The following HIVEP3 variants were observed in gnomAD, a reference collection of about 807,000 sequenced individuals.
HIVEP3 encodes the protein HIVEP zinc finger 3, also known as transcription factor HIVEP3.
Under a neutral mutation model 152.8 loss-of-function variants are expected in HIVEP3, and 49 were observed. The observed-to-expected ratio is 0.32, with a 90% CI of 0.26 to 0.41. The LOEUF (loss-of-function observed/expected upper bound fraction) is 0.41, where lower values mean the gene tolerates loss of function less well. Ranked by LOEUF, HIVEP3 falls within the 10% of genes least tolerant of loss-of-function variation. The pLI, the probability that HIVEP3 is intolerant of heterozygous loss-of-function variation, is 1.00. For missense variants in HIVEP3, 2,790 were observed against 3,103.3 expected, an observed-to-expected ratio of 0.90 and a Z score of 2.40; for synonymous variants, 1,269 against 1,289.0, an observed-to-expected ratio of 0.98 and a Z score of 0.33.
intron 2 of HIVEP3, among the ~76,000 whole-genome samples, chr1:41,650,868 G>A (rs1170081827): frequency 6.6e-6 from 1 of 152,102 alleles, no homozygotes; most frequent in Non-Finnish European, 1.5e-5. Context: ...TTTTGAAATG[G>A]CCACAAAGTA....
intron 4 of HIVEP3, among the ~76,000 whole-genome samples, chr1:41,577,628 G>T (rs1178360564): frequency 1.3e-5 from 2 of 152,216 alleles, no homozygotes; most frequent in Non-Finnish European, 2.9e-5. Context: ...TCCTAGACCT[G>T]CATGAAGATG....
rs901709382 is a variant in HIVEP3 at position 41,560,777 on chromosome 1, C to G, written c.5207+14767G>C. Among the ~76,000 whole-genome samples the G allele has an allele frequency of 3.9e-5, 6 of 152,304 alleles. No individual in the cohort carries two copies. In the East Asian group the frequency reaches 1.2e-3, roughly 29 times the overall value. ...TTCTCTCTCATCCAGGCCTCTGAGGCCAGAGCACCCTCTGGAGACTTGGCA... is the reference window on the plus strand; with the variant it reads ...TTCTCTCTCATCCAGGCCTCTGAGGGCAGAGCACCCTCTGGAGACTTGGCA... On this transcript the variant is annotated intron_variant, in intron 5 of 8. Coordinates refer to ENST00000372583, the MANE Select transcript of HIVEP3 (RefSeq NM_024503.5).
chr1:41,591,069 A>T lies in HIVEP3; in HGVS notation c.-521-5751T>A, dbSNP rs78169425. Among the ~76,000 whole-genome samples, 61 of 152,370 alleles carry T rather than the reference A, an allele frequency of 4.0e-4. 1 individual carries two copies. In the East Asian group the frequency reaches 0.01, roughly 26 times the overall value. The stretch of plus-strand genomic sequence containing the variant: ...CTGACATATAGTAAGCATTCAATAA[A>T]TAATAATCATCATTGCTATTGGAGA... On this transcript the variant is annotated intron_variant, in intron 3 of 8. Coordinates refer to ENST00000372583, the MANE Select transcript of HIVEP3 (RefSeq NM_024503.5).
chr1:41,854,146 C>CCTCTCT (rs143354235), intron 1 of HIVEP3, among the ~76,000 whole-genome samples: 1 of 149,318 alleles, frequency 6.7e-6, no homozygotes, highest in African/African-American at 2.5e-5. Flanking sequence ...TGTCCCACCT[C>CCTCTCT]CTCTCTCTCT....
chr1:41,851,031 T>C (rs925358512), intron 1 of HIVEP3, among the ~76,000 whole-genome samples: 3 of 152,272 alleles, frequency 2.0e-5, no homozygotes, highest in African/African-American at 7.2e-5. Context: ...TCCTGCCAGT[T>C]ACACTGCATC....
intron 1 of HIVEP3, among the ~76,000 whole-genome samples, chr1:41,906,357 C>A (rs1644710202): frequency 1.5e-5 from 2 of 131,642 alleles, no homozygotes; most frequent in Admixed American, 7.4e-5. Context: ...TACCATTCAG[C>A]CACACAAATA....
At chr1:41,747,111 G>T (rs1369716030) in intron 1 of HIVEP3, among the ~76,000 whole-genome samples, 2 of 152,218 alleles carry the variant, frequency 1.3e-5, no homozygotes, top group African/African-American at 4.8e-5. Context: ...AGGAATTCAG[G>T]CCTGTCAGAT....
intron 3 of HIVEP3, among the ~76,000 whole-genome samples, chr1:41,609,062 TA>T (rs34046231): frequency 0.1 from 14,180 of 142,000 alleles, 703 homozygotes; most frequent in Middle Eastern, 0.18. Context: ...TCCGTCTCAA[TA>T]AAAAAAAAAA....
chr1:41,747,988 A>G (rs888174278), intron 1 of HIVEP3, among the ~76,000 whole-genome samples: 2 of 152,258 alleles, frequency 1.3e-5, no homozygotes, highest in Non-Finnish European at 2.9e-5. Flanking sequence ...CAGAGAATCC[A>G]GAGAATAGGA....
chr1:41,860,300 T>C (rs1249701681), intron 1 of HIVEP3, among the ~76,000 whole-genome samples: 3 of 152,208 alleles, frequency 2.0e-5, no homozygotes, highest in African/African-American at 2.4e-5. Flanking sequence ...TTCGTGGTCA[T>C]AGATCAAATC....
intron 3 of HIVEP3, among the ~76,000 whole-genome samples, chr1:41,586,970 G>A (rs1217195601): frequency 6.6e-6 from 1 of 152,074 alleles, no homozygotes; most frequent in African/African-American, 2.4e-5. Context: ...GATAAAAAGA[G>A]TACTGCTATA....
At chr1:41,556,287 A>G (rs1643965306) in intron 5 of HIVEP3, among the ~76,000 whole-genome samples, 1 of 152,122 alleles carries the variant, frequency 6.6e-6, no homozygotes, top group Non-Finnish European at 1.5e-5. Context: ...CCTTCTCAAC[A>G]CTTATTTTCC....
At chr1:41,634,123 A>G (rs1475743389) in intron 2 of HIVEP3, among the ~76,000 whole-genome samples, 1 of 115,366 alleles carries the variant, frequency 8.7e-6, no homozygotes, top group Admixed American at 1.1e-4. Flanking sequence ...TCTTTTCTTA[A>G]AAAAAAAAAA....
At chr1:41,948,677 C>T (rs1042579347) in intron 1 of HIVEP3, among the ~76,000 whole-genome samples, 2 of 152,026 alleles carry the variant, frequency 1.3e-5, no homozygotes, top group African/African-American at 2.4e-5. Context: ...ACATAGTTTC[C>T]TCCCCTCAGA....
intron 1 of HIVEP3, among the ~76,000 whole-genome samples, chr1:41,762,150 C>T (rs1326987069): frequency 2.0e-5 from 3 of 152,182 alleles, no homozygotes; most frequent in Non-Finnish European, 4.4e-5. Context: ...ATTCTGAGCC[C>T]ATAAAAGCCC....
At chr1:41,635,875 A>G (rs1320681984) in intron 2 of HIVEP3, among the ~76,000 whole-genome samples, 2 of 152,220 alleles carry the variant, frequency 1.3e-5, no homozygotes, top group African/African-American at 2.4e-5. Context: ...AGAAAAGTAT[A>G]AATTGTAAAA....
intron 1 of HIVEP3, among the ~76,000 whole-genome samples, chr1:41,762,587 C>A (rs1037630410): frequency 6.6e-6 from 1 of 152,224 alleles, no homozygotes; most frequent in Non-Finnish European, 1.5e-5. Flanking sequence ...GAGTCCACCA[C>A]AGCAGTCGGT....
intron 1 of HIVEP3, among the ~76,000 whole-genome samples, chr1:41,939,831 T>C (rs560169761): frequency 2.0e-5 from 3 of 152,302 alleles, no homozygotes; most frequent in Non-Finnish European, 1.5e-5. Flanking sequence ...GTTATTAAGG[T>C]TATTAAGCTA....
rs1237578537 is a variant in HIVEP3, at chr1:41,937,013, A to G, written n.120-18489T>C. Among the ~76,000 whole-genome samples the G allele has an allele frequency of 6.6e-5, 10 of 152,350 alleles. No homozygotes were observed. The South Asian group carries it at 2.1e-3, about 32-fold the overall frequency. On this transcript the variant is annotated intron_variant and non_coding_transcript_variant, in intron 1 of 3. Transcript: ENST00000489103. The stretch of plus-strand genomic sequence containing the variant: ...TTAAAATCATAAATAAAAATAAAAC[A>G]GTGCATGCTAGTAGCAATAAACTAA...
Sources: allele counts gnomAD v4.1 joint callset (sites outside exome capture counted in the v4.1 genomes callset), GRCh38; gene constraint gnomAD v4.1.1; transcripts MANE v1.5; gene names NCBI Gene and HGNC (gene_info 2026-07-23, HGNC 2026-07-21).